The following CDYL variants were observed in gnomAD, a reference collection of about 807,000 sequenced individuals.
CDYL encodes chromodomain Y like.
Under a neutral mutation model 47.3 loss-of-function variants are expected in CDYL, and 8 were observed. The observed-to-expected ratio is 0.17, with a 90% CI of 0.10 to 0.31. The LOEUF (loss-of-function observed/expected upper bound fraction) is 0.31. CDYL is among the 10% of genes least tolerant of loss of function. The probability of loss-of-function intolerance (pLI) is 1.00; values close to 1 mark genes in which losing one functional copy is unlikely to be tolerated. For synonymous variants in CDYL, 266 were observed against 265.0 expected (o/e 1.00, Z -0.04); for missense variants, 471 against 701.4 (o/e 0.67, Z 3.71).
chr6:4,811,937 G>A (rs1196387165), intron 1 of CDYL, among the ~76,000 whole-genome samples: 1 of 152,120 alleles, frequency 6.6e-6, no homozygotes, highest in Non-Finnish European at 1.5e-5. Context: ...GGTCTCCCCT[G>A]GAACCTTCCA....
intron 2 of CDYL, among the ~76,000 whole-genome samples, chr6:4,900,808 T>A (rs1328072143): frequency 1.1e-5 from 1 of 92,030 alleles, no homozygotes; most frequent in Non-Finnish European, 2.2e-5. Context: ...TATATATATA[T>A]ATATATATAT....
At chr6:4,847,134 C>G (rs1760684648) in intron 1 of CDYL, among the ~76,000 whole-genome samples, 1 of 152,244 alleles carries the variant, frequency 6.6e-6, no homozygotes, top group Admixed American at 6.5e-5. Context: ...GGCCCTCTAA[C>G]TATTGCGTGC....
At chr6:4,762,963 A>C (rs1758198621) in intron 3 of CDYL, among the ~76,000 whole-genome samples, 1 of 152,194 alleles carries the variant, frequency 6.6e-6, no homozygotes, top group African/African-American at 2.4e-5. Flanking sequence ...GGATAAATAC[A>C]CAAACGAATA....
intron 1 of CDYL, among the ~76,000 whole-genome samples, chr6:4,806,015 A>G (rs977958009): frequency 2.6e-5 from 4 of 152,252 alleles, no homozygotes; most frequent in African/African-American, 9.6e-5. Flanking sequence ...CAGGAGCATG[A>G]GGAAGGAGCT....
At chr6:4,908,354 G>A (rs921282983) in intron 2 of CDYL, among the ~76,000 whole-genome samples, 7 of 152,272 alleles carry the variant, frequency 4.6e-5, no homozygotes, top group African/African-American at 1.7e-4. Flanking sequence ...TTTAGGCATT[G>A]GTGTTTCATA....
chr6:4,888,380 A>G (rs1423430881), intron 1 of CDYL, among the ~76,000 whole-genome samples: 2 of 152,050 alleles, frequency 1.3e-5, no homozygotes, highest in Non-Finnish European at 2.9e-5. Context: ...ACTAGTTTGT[A>G]TATTTCTAGG....
intron 1 of CDYL, among the ~76,000 whole-genome samples, chr6:4,780,395 T>TC (rs1758581288): frequency 3.4e-4 from 4 of 11,730 alleles, no homozygotes; most frequent in South Asian, 6.3e-3. Context: ...CACCCCCGCC[T>TC]ACGCCCCCCC....
intron 2 of CDYL, among the ~76,000 whole-genome samples, chr6:4,906,187 A>G (rs1757231991): frequency 6.6e-6 from 1 of 152,194 alleles, no homozygotes; most frequent in Non-Finnish European, 1.5e-5. Flanking sequence ...AACCGGATGG[A>G]GATTATTTTT....
chr6:4,843,221 G>A (rs1288305837), intron 1 of CDYL, among the ~76,000 whole-genome samples: 2 of 152,062 alleles, frequency 1.3e-5, no homozygotes. Context: ...TAGGTTACCT[G>A]GTGCTTTTGC....
intron 1 of CDYL, among the ~76,000 whole-genome samples, chr6:4,715,421 G>C (rs1371186139): frequency 4.6e-5 from 7 of 152,128 alleles, no homozygotes; most frequent in African/African-American, 9.7e-5. Flanking sequence ...ATAAGTATCA[G>C]GCCACTTGGC....
intron 6 of CDYL, among the ~76,000 whole-genome samples, chr6:4,953,661 C>T (rs916060324): frequency 2.0e-5 from 3 of 152,192 alleles, no homozygotes; most frequent in African/African-American, 7.2e-5. Flanking sequence ...GGCTGGGTGC[C>T]GACAGCCCAG....
intron 1 of CDYL, among the ~76,000 whole-genome samples, chr6:4,838,032 C>A (rs1363519132): frequency 6.6e-6 from 1 of 152,016 alleles, no homozygotes; most frequent in Non-Finnish European, 1.5e-5. Context: ...CTTTCCTCAT[C>A]CTTCAAAAGT....
intron 1 of CDYL, among the ~76,000 whole-genome samples, chr6:4,800,910 A>G (rs1330053493): frequency 6.6e-6 from 1 of 152,090 alleles, no homozygotes; most frequent in Non-Finnish European, 1.5e-5. Flanking sequence ...TGTCTAGAAG[A>G]AGTTTTGTTT....
chr6:4,766,907 G>A (rs1436882672), intron 3 of CDYL, among the ~76,000 whole-genome samples: 3 of 152,036 alleles, frequency 2.0e-5, no homozygotes, highest in Admixed American at 6.6e-5. Flanking sequence ...GGGAGCTGAT[G>A]TGGGAAGATC....
At chr6:4,817,809 G>A (rs1405576191) in intron 1 of CDYL, among the ~76,000 whole-genome samples, 1 of 152,146 alleles carries the variant, frequency 6.6e-6, no homozygotes, top group East Asian at 1.9e-4. Context: ...TAGTCTCATT[G>A]CTTGAGACAA....
Position 4,954,211 on chromosome 6 carries a change from A to T in CDYL, c.*155A>T. Reference sequence around the variant, plus strand: ...GGAACATCCACGCTATTTATTATCGAGGAGTTTTAAAGTACTGTAACTTTA... The same window carrying T: ...GGAACATCCACGCTATTTATTATCGTGGAGTTTTAAAGTACTGTAACTTTA... On this transcript the variant is annotated 3_prime_UTR_variant, in exon 7 of 7. Coordinates refer to ENST00000397588, the MANE Select transcript of CDYL (RefSeq NM_004824.4). 2.9e-6 allele frequency: 2 copies of T among 680,178 alleles called. No homozygotes were observed. Among genetic ancestry groups the T allele is most frequent in the Non-Finnish European group, 4.6e-6 (2 of 432,502 alleles). The allele number at this position is 680,178 out of a possible 1,614,324, so 42.1% of individuals were successfully genotyped here.
At chr6:4,773,529 G>T (rs1291837639), upstream of CDYL, among the ~76,000 whole-genome samples, 1 of 152,150 alleles carries the variant, frequency 6.6e-6, no homozygotes, top group Non-Finnish European at 1.5e-5. The surrounding 1 kb of genome is among the most constrained non-coding windows in gnomAD (Gnocchi z 4.6). Flanking sequence ...ACGGAGGAAA[G>T]CAAAGTTTGC....
At chr6:4,889,956 C>G (rs1761996724) in intron 1 of CDYL, 1 of 985,162 alleles carries the variant, frequency 1.0e-6, no homozygotes, top group East Asian at 1.1e-4. Flanking sequence ...CAGCAGGTCC[C>G]CAGGGATGCT....
At chr6:4,756,385 A>G (rs1758074554) in intron 3 of CDYL, among the ~76,000 whole-genome samples, 1 of 151,976 alleles carries the variant, frequency 6.6e-6, no homozygotes, top group African/African-American at 2.4e-5. Context: ...AACTTTGCTC[A>G]CTCAGCCTTG....
Sources: allele counts gnomAD v4.1 joint callset (sites outside exome capture counted in the v4.1 genomes callset), GRCh38; gene constraint gnomAD v4.1.1; non-coding constraint Gnocchi (gnomAD v3.1); transcripts MANE v1.5; gene names NCBI Gene and HGNC (gene_info 2026-07-23, HGNC 2026-07-21).